PIP4K2A: variants seen among roughly 807,000 people sequenced by gnomAD.
PIP4K2A encodes the protein phosphatidylinositol 5-phosphate 4-kinase type-2 alpha.
PIP4K2A carries 14 observed loss-of-function variants against 42.9 expected under a neutral mutation model. The ratio of observed to expected loss-of-function variants is 0.33; its 90% confidence interval spans 0.22 to 0.51. PIP4K2A has a LOEUF of 0.51. Ranked by LOEUF, PIP4K2A falls within the 20% of genes least tolerant of loss-of-function variation. PIP4K2A has a pLI of 0.97. For missense variants in PIP4K2A, 434 were observed against 519.8 expected (o/e 0.83, Z 1.61); for synonymous variants, 192 against 192.2 (o/e 1.00, Z 0.01).
intron 5 of PIP4K2A, among the ~76,000 whole-genome samples, chr10:22,570,081 A>AT (rs1349386578): frequency 6.6e-6 from 1 of 151,102 alleles, no homozygotes; most frequent in African/African-American, 2.5e-5. Context: ...TTGCAGGGGG[A>AT]TTAAAAAAAA....
chr10:22,570,976 G>GTGTC (rs150472703), intron 5 of PIP4K2A, among the ~76,000 whole-genome samples: 1 of 152,246 alleles, frequency 6.6e-6, no homozygotes, highest in East Asian at 1.9e-4. Flanking sequence ...CTAAGATGGT[G>GTGTC]TGTCATACAA....
intron 9 of PIP4K2A, among the ~76,000 whole-genome samples, 168 bp from the exon 10 acceptor site, chr10:22,537,449 A>G (rs561381057): frequency 6.6e-6 from 1 of 152,282 alleles, no homozygotes; most frequent in African/African-American, 2.4e-5. Context: ...CTTGGCGCTC[A>G]TGGTTGAATA....
At chr10:22,625,830 C>T (rs919997425) in intron 1 of PIP4K2A, among the ~76,000 whole-genome samples, 3 of 152,084 alleles carry the variant, frequency 2.0e-5, no homozygotes, top group Non-Finnish European at 2.9e-5. Flanking sequence ...ACGTGGTTTT[C>T]GCAACACTGA....
At chr10:22,569,157 G>A in intron 5 of PIP4K2A, 1 of 838,264 alleles carries the variant, frequency 1.2e-6, no homozygotes, top group South Asian at 1.5e-5. Flanking sequence ...AACTTGAACG[G>A]AAGAGACTCC....
At chr10:22,680,294 A>C (rs1839633966) in intron 1 of PIP4K2A, among the ~76,000 whole-genome samples, 1 of 152,158 alleles carries the variant, frequency 6.6e-6, no homozygotes, top group Non-Finnish European at 1.5e-5. Flanking sequence ...TAAAACAAGA[A>C]TATATTTTTA....
intron 6 of PIP4K2A, among the ~76,000 whole-genome samples, chr10:22,558,629 C>A (rs1388739528): frequency 2.0e-5 from 3 of 152,194 alleles, no homozygotes; most frequent in Admixed American, 2.0e-4. Context: ...AATGTCTATA[C>A]AAGTTCATGG....
intron 3 of PIP4K2A, among the ~76,000 whole-genome samples, chr10:22,607,318 A>G (rs1837926652): frequency 6.6e-6 from 1 of 152,170 alleles, no homozygotes; most frequent in African/African-American, 2.4e-5. Flanking sequence ...TGGGGAGGAG[A>G]GCAGCAGTGC....
At chr10:22,568,915 T>C (rs1836913581) in intron 5 of PIP4K2A, 5 of 888,894 alleles carry the variant, frequency 5.6e-6, no homozygotes, top group Non-Finnish European at 8.9e-6. Flanking sequence ...CCCCTAACTA[T>C]CGTGAGGTCA....
chr10:22,636,333 C>T lies in PIP4K2A; in HGVS notation c.145-26616G>A, dbSNP rs182991506. 2.0e-5 allele frequency among the ~76,000 whole-genome samples: 3 copies of T among 152,298 alleles called. No homozygotes were observed. The East Asian group carries it at 5.8e-4, about 29-fold the overall frequency. On this transcript the variant is annotated intron_variant, in intron 1 of 9. Transcript: ENST00000376573. ...GTGGTATGACCACAGCTCACTGCCG[C>T]CTCAACGTCCCAGGCTCAAGGGATC... is the stretch of plus-strand genomic sequence containing the variant.
intron 7 of PIP4K2A, among the ~76,000 whole-genome samples, chr10:22,549,538 T>C (rs1836346374): frequency 6.6e-6 from 1 of 151,966 alleles, no homozygotes. Context: ...CTCAACGAAG[T>C]CCAAGAAAAT....
At chr10:22,593,148 A>G (rs562213714) in intron 3 of PIP4K2A, among the ~76,000 whole-genome samples, 3 of 152,286 alleles carry the variant, frequency 2.0e-5, no homozygotes, top group African/African-American at 7.2e-5. Context: ...CTATGCCTGA[A>G]GAGAAAAGTG....
chr10:22,585,881 C>T (rs759191287), intron 4 of PIP4K2A, among the ~76,000 whole-genome samples: 10 of 152,162 alleles, frequency 6.6e-5, no homozygotes, highest in Non-Finnish European at 1.2e-4. Context: ...CAGGCATGAG[C>T]CACTGTGTCC....
intron 1 of PIP4K2A, among the ~76,000 whole-genome samples, chr10:22,624,213 T>C (rs1838389939): frequency 1.3e-5 from 2 of 152,216 alleles, no homozygotes; most frequent in African/African-American, 4.8e-5. Context: ...TAGAAGCTTC[T>C]TTCTGGGTTC....
intron 4 of PIP4K2A, among the ~76,000 whole-genome samples, chr10:22,583,163 T>C (rs1295628601): frequency 6.6e-6 from 1 of 152,190 alleles, no homozygotes. Flanking sequence ...TGAAGTAACT[T>C]TGTAAAAAAT....
chr10:22,637,728 C>A (rs1052238372), intron 1 of PIP4K2A, among the ~76,000 whole-genome samples: 1 of 152,174 alleles, frequency 6.6e-6, no homozygotes. Flanking sequence ...CAGACGAAAC[C>A]ACAACTCAGA....
At chr10:22,714,159 C>G (rs374200409) in intron 1 of PIP4K2A, 24 bp downstream of exon 1, 4 of 1,590,804 alleles carry the variant, frequency 2.5e-6, no homozygotes, top group East Asian at 2.3e-5. Flanking sequence ...GGAAGGGGAC[C>G]GCGCGCCGCA....
intron 1 of PIP4K2A, among the ~76,000 whole-genome samples, chr10:22,658,110 A>T (rs1839137698): frequency 6.6e-6 from 1 of 152,204 alleles, no homozygotes; most frequent in South Asian, 2.1e-4. Flanking sequence ...CCACAGGGAA[A>T]ATGTTTCTTA....
chr10:22,552,483 C>T (rs1454392152), intron 6 of PIP4K2A, among the ~76,000 whole-genome samples: 1 of 152,108 alleles, frequency 6.6e-6, no homozygotes, highest in Non-Finnish European at 1.5e-5. Context: ...CCCCCATTCC[C>T]ACAAACCTTG....
At chr10:22,614,019 T>C (rs1384789759) in intron 1 of PIP4K2A, among the ~76,000 whole-genome samples, 1 of 152,124 alleles carries the variant, frequency 6.6e-6, no homozygotes, top group Admixed American at 6.5e-5. Flanking sequence ...AGACAACAAG[T>C]GCCACAGAAG....
Sources: allele counts gnomAD v4.1 joint callset (sites outside exome capture counted in the v4.1 genomes callset), GRCh38; gene constraint gnomAD v4.1.1; transcripts MANE v1.5; gene names NCBI Gene and HGNC (gene_info 2026-07-23, HGNC 2026-07-21).